PTPRF: variants seen among roughly 807,000 people sequenced by gnomAD.
PTPRF encodes the protein receptor-type tyrosine-protein phosphatase F.
In PTPRF, 59 loss-of-function variants were observed where a neutral mutation model predicts 201.8. The observed-to-expected ratio is 0.29, with a 90% CI of 0.24 to 0.36. The LOEUF (loss-of-function observed/expected upper bound fraction) is 0.36, where lower values mean the gene tolerates loss of function less well. Ranked by LOEUF, PTPRF falls within the 10% of genes least tolerant of loss-of-function variation. The pLI, the probability that PTPRF is intolerant of heterozygous loss-of-function variation, is 1.00. For missense variants in PTPRF, 2,132 were observed against 2,690.5 expected, an observed-to-expected ratio of 0.79 and a Z score of 4.59; for synonymous variants, 1,088 against 1,089.7, an observed-to-expected ratio of 1.00 and a Z score of 0.03.
chr1:43,581,406 T>A (rs1318632275), intron 7 of PTPRF, among the ~76,000 whole-genome samples: 1 of 152,232 alleles, frequency 6.6e-6, no homozygotes, highest in East Asian at 1.9e-4. Context: ...GGACCGTTTC[T>A]AAGCTCTGTC....
intron 7 of PTPRF, chr1:43,582,576 C>CA (rs1553190249): frequency 2.0e-5 from 3 of 152,294 alleles, no homozygotes; most frequent in East Asian, 1.9e-4. Context: ...GACCTGGCTG[C>CA]GGGCCACAGC....
At chr1:43,621,325 GCATT>G in intron 33 of PTPRF, 93 bp downstream of exon 33, 1 of 1,494,004 alleles carries the variant, frequency 6.7e-7, no homozygotes, top group Non-Finnish European at 9.1e-7. Flanking sequence ...ACAGGCATGT[GCATT>G]CATTCATGCT....
At chr1:43,583,059 C>T in intron 7 of PTPRF, 1 of 985,216 alleles carries the variant, frequency 1.0e-6, no homozygotes, top group Non-Finnish European at 1.2e-6. Flanking sequence ...ACTCTGCCAT[C>T]AACCCAAACT....
intron 25 of PTPRF, among the ~76,000 whole-genome samples, chr1:43,618,378 C>G (rs1297888308): frequency 1.3e-5 from 2 of 152,154 alleles, no homozygotes; most frequent in African/African-American, 4.8e-5. Flanking sequence ...GAAAATGTGC[C>G]TGGTGCGATC....
intron 22 of PTPRF, chr1:43,612,941 G>C (rs1656824163): frequency 7.0e-6 from 5 of 718,116 alleles, no homozygotes; most frequent in Non-Finnish European, 1.1e-5. Flanking sequence ...CAATCCCACT[G>C]TCTCCTAACC....
chr1:43,530,404 G>T (rs571723457), upstream of PTPRF, among the ~76,000 whole-genome samples: 4 of 152,216 alleles, frequency 2.6e-5, no homozygotes, highest in East Asian at 1.9e-4. The surrounding 1 kb of genome is among the most constrained non-coding windows in gnomAD (Gnocchi z 4.1). Context: ...CACTATCAAG[G>T]TTAGGGCAAG....
intron 5 of PTPRF, among the ~76,000 whole-genome samples, chr1:43,566,408 C>CCTGG (rs1646190194): frequency 6.6e-6 from 1 of 152,234 alleles, no homozygotes; most frequent in Non-Finnish European, 1.5e-5. Context: ...GTCCCTCATA[C>CCTGG]CTGGGTCTCA....
chr1:43,554,284 G>C lies in PTPRF; in HGVS notation c.379+343G>C, dbSNP rs529746759. Among the ~76,000 whole-genome samples the C allele has an allele frequency of 1.7e-3, 263 of 152,298 alleles. 3 individuals are homozygous for C. The highest frequency in any genetic ancestry group is 5.9e-3 in the African/African-American group (246 of 41,544). Reference sequence around the variant, plus strand: ...GCTGTGGCTGTTTGGCAGTGAACCGGATTTCCATGTGGAGCCTGGCCGTAG... The same window carrying C: ...GCTGTGGCTGTTTGGCAGTGAACCGCATTTCCATGTGGAGCCTGGCCGTAG... On this transcript the variant is annotated intron_variant, in intron 5 of 33. Transcript: ENST00000359947. The surrounding 1 kb of genome is among the most constrained non-coding windows in gnomAD (Gnocchi z 4.1).
intron 14 of PTPRF, among the ~76,000 whole-genome samples, chr1:43,602,795 A>G (rs1170206226): frequency 2.6e-5 from 4 of 152,192 alleles, no homozygotes; most frequent in Non-Finnish European, 5.9e-5. Flanking sequence ...CACTGAGAAC[A>G]GATGTGGAAG....
chr1:43,523,007 C>T (rs915262351), upstream of PTPRF, among the ~76,000 whole-genome samples: 3 of 152,152 alleles, frequency 2.0e-5, no homozygotes, highest in African/African-American at 7.2e-5. Context: ...TGCAGAGGTC[C>T]AGATAAGAGT....
chr1:43,596,007 GAGA>G (rs1652171312), intron 11 of PTPRF, among the ~76,000 whole-genome samples: 1 of 152,168 alleles, frequency 6.6e-6, no homozygotes, highest in African/African-American at 2.4e-5. Flanking sequence ...TGCCGCTGTA[GAGA>G]AGGAGGGGGA....
intron 5 of PTPRF, among the ~76,000 whole-genome samples, chr1:43,567,940 G>C (rs1257203856): frequency 6.6e-6 from 1 of 152,096 alleles, no homozygotes; most frequent in Non-Finnish European, 1.5e-5. Flanking sequence ...CATTCCCCTT[G>C]CCCCACATTG....
chr1:43,604,756 G>A (rs1654630598), intron 16 of PTPRF, 147 bp from the exon 17 acceptor site: 2 of 691,236 alleles, frequency 2.9e-6, no homozygotes, highest in South Asian at 1.7e-5. Flanking sequence ...AGCTGGCTGG[G>A]AGTGGGGCGC....
At chr1:43,552,494 C>G (rs936216821) in intron 3 of PTPRF, among the ~76,000 whole-genome samples, 1 of 152,202 alleles carries the variant, frequency 6.6e-6, no homozygotes, top group Non-Finnish European at 1.5e-5. Context: ...TTGTCATCAT[C>G]GCACACGTTT....
chr1:43,609,241 G>T (rs561354409), intron 21 of PTPRF, 142 bp from the exon 22 acceptor site: 34 of 657,776 alleles, frequency 5.2e-5, no homozygotes, highest in Non-Finnish European at 6.6e-5. Flanking sequence ...TGGCTCCTCC[G>T]CGCTCAGAGA....
upstream of PTPRF, among the ~76,000 whole-genome samples, chr1:43,524,177 G>A (rs1180838793): frequency 6.6e-6 from 1 of 152,030 alleles, no homozygotes; most frequent in African/African-American, 2.4e-5. Context: ...GTACGCAAAG[G>A]CATACAGGTT....
At chr1:43,524,050 C>CAAAAAAA (rs57088994), upstream of PTPRF, among the ~76,000 whole-genome samples, 3 of 80,668 alleles carry the variant, frequency 3.7e-5, no homozygotes, top group Admixed American at 1.7e-4. Flanking sequence ...GAGACTCTGT[C>CAAAAAAA]AAAAAAAAAA....
At chr1:43,572,152 C>G (rs1312057161) in intron 6 of PTPRF, among the ~76,000 whole-genome samples, 2 of 152,244 alleles carry the variant, frequency 1.3e-5, no homozygotes, top group Non-Finnish European at 2.9e-5. Context: ...CAGGCCTCAC[C>G]TTGCTTTACA....
intron 5 of PTPRF, among the ~76,000 whole-genome samples, chr1:43,561,959 T>C (rs1645835903): frequency 1.3e-5 from 2 of 152,212 alleles, no homozygotes; most frequent in African/African-American, 4.8e-5. Flanking sequence ...CCACTGTACG[T>C]GTTCCCTAGC....
Sources: gnomAD v4.1 joint callset for allele counts (sites outside exome capture counted in the v4.1 genomes callset) on GRCh38, gnomAD v4.1.1 for gene constraint, Gnocchi (gnomAD v3.1) non-coding constraint, MANE v1.5 for transcripts, NCBI Gene and HGNC (gene_info 2026-07-23, HGNC 2026-07-21) for gene names.